GBF1: variants seen among roughly 807,000 people sequenced by gnomAD.
GBF1 encodes Golgi-specific brefeldin A-resistance guanine nucleotide exchange factor 1.
In GBF1, 114 loss-of-function variants were observed where a neutral mutation model predicts 210.5. The ratio of observed to expected loss-of-function variants is 0.54; its 90% confidence interval spans 0.47 to 0.63. GBF1 has a LOEUF of 0.63. Among genes scored for constraint, GBF1 ranks in the 30% least tolerant of loss-of-function variants. The pLI, the probability that GBF1 is intolerant of heterozygous loss-of-function variation, is 0.00. For synonymous variants in GBF1, 850 were observed against 889.2 expected (o/e 0.96, Z 0.78); for missense variants, 1,851 against 2,357.7 (o/e 0.79, Z 4.45).
At chr10:102,342,748 G>T (rs1353818008) in intron 3 of GBF1, among the ~76,000 whole-genome samples, 3 of 151,970 alleles carry the variant, frequency 2.0e-5, no homozygotes, top group Admixed American at 6.6e-5. Context: ...AACACTTTTG[G>T]TCTCTTTAGG....
intron 4 of GBF1, among the ~76,000 whole-genome samples, chr10:102,344,797 A>G (rs570784610): frequency 6.6e-6 from 1 of 152,078 alleles, no homozygotes; most frequent in African/African-American, 2.4e-5. Flanking sequence ...GTTTATTTTT[A>G]AAGTTATTTT....
rs767267269 is a variant in GBF1, at chr10:102,351,799, T to C, written c.415-44T>C. ...CCTCTCTCTTACCCTTGAGTACCTC[T>C]CAGTACCTTGTTTATCACAGTAATT... is the stretch of plus-strand genomic sequence containing the variant. On this transcript the variant is annotated intron_variant, in intron 5 of 39. Coordinates refer to ENST00000369983, the MANE Select transcript of GBF1 (RefSeq NM_001377137.1). 6.2e-6 allele frequency: 7 copies of C among 1,137,142 alleles called. No individual in the cohort carries two copies. The Admixed American group carries it at 6.7e-5, about 11-fold the overall frequency. The allele number at this position is 1,137,142 out of a possible 1,614,324, so 70.4% of individuals were successfully genotyped here.
chr10:102,375,608 C>G, intron 30 of GBF1, 24 bp downstream of exon 30: 1 of 1,465,404 alleles, frequency 6.8e-7, no homozygotes, highest in Non-Finnish European at 9.5e-7. Flanking sequence ...CAGGGAGACT[C>G]AGGCTGGCAG....
chr10:102,356,061 T>C (rs1589757453), intron 8 of GBF1, among the ~76,000 whole-genome samples: 2 of 152,330 alleles, frequency 1.3e-5, no homozygotes, highest in Middle Eastern at 6.8e-3. Context: ...TATGAGGCTG[T>C]TGCTATGTTA....
At chr10:102,352,381 G>T in intron 6 of GBF1, 77 bp from the exon 7 acceptor site, 1 of 963,376 alleles carries the variant, frequency 1.0e-6, no homozygotes, top group Admixed American at 1.7e-5. Context: ...GGTTTGGAGG[G>T]GAGTCTGCTC....
chr10:102,273,333 AAAAT>A (rs1248454890), intron 3 of GBF1, among the ~76,000 whole-genome samples: 1 of 152,180 alleles, frequency 6.6e-6, no homozygotes, highest in East Asian at 1.9e-4. Context: ...CTGTCTCAAA[AAAAT>A]AAATAAATAA....
chr10:102,254,362 T>C (rs1039134839), intron 1 of GBF1, among the ~76,000 whole-genome samples: 1 of 152,152 alleles, frequency 6.6e-6, no homozygotes, highest in Admixed American at 6.5e-5. Flanking sequence ...GGCAAGACCC[T>C]ATCTCTAAAA....
At chr10:102,291,890 C>CTTTT (rs1223283560) in intron 3 of GBF1, among the ~76,000 whole-genome samples, 1 of 127,712 alleles carries the variant, frequency 7.8e-6, no homozygotes, top group Admixed American at 8.4e-5. Context: ...TAGAACTTTT[C>CTTTT]TTTTTTTTTT....
intron 3 of GBF1, among the ~76,000 whole-genome samples, chr10:102,335,899 G>A (rs550967822): frequency 3.3e-5 from 5 of 152,102 alleles, no homozygotes; most frequent in Admixed American, 6.6e-5. Context: ...AAATTGTACC[G>A]TAAATATCAA....
intron 1 of GBF1, among the ~76,000 whole-genome samples, chr10:102,255,638 A>G (rs1312128157): frequency 2.0e-5 from 3 of 152,200 alleles, no homozygotes; most frequent in Non-Finnish European, 4.4e-5. Context: ...GACCTAGAGC[A>G]TATTCATCTT....
chr10:102,321,499 T>G (rs1329651763), intron 3 of GBF1, among the ~76,000 whole-genome samples: 3 of 152,254 alleles, frequency 2.0e-5, no homozygotes, highest in Non-Finnish European at 4.4e-5. Context: ...TTGCCAATAG[T>G]ATACTGATTT....
chr10:102,351,201 C>G, intron 4 of GBF1, 55 bp from the exon 5 acceptor site: 1 of 1,000,248 alleles, frequency 1.0e-6, no homozygotes, highest in Non-Finnish European at 1.6e-6. Flanking sequence ...GGCTGCCTTA[C>G]CTTTTATCTC....
upstream of GBF1, among the ~76,000 whole-genome samples, chr10:102,241,863 G>A (rs1288398906): frequency 2.0e-5 from 3 of 152,234 alleles, no homozygotes; most frequent in Non-Finnish European, 4.4e-5. The surrounding 1 kb of genome is among the most constrained non-coding windows in gnomAD (Gnocchi z 6.7). Flanking sequence ...AGTGGGTTGG[G>A]CCGCTACCCC....
rs985889119 is a variant in GBF1, at chr10:102,368,819, C to T, written c.2960C>T (p.Ala987Val). The change falls in exon 23 of 40, where the codon GCT (alanine) becomes GTT (valine). Residue 987 changes from alanine (A) to valine (V), a missense_variant. Ala to Val is a moderately conservative substitution (Grantham distance 64, BLOSUM62 0). Coordinates refer to ENST00000369983, the MANE Select transcript of GBF1 (RefSeq NM_001377137.1). ...ATCATCTCTCTATGCAAATTCACAG[C>T]TCTCAGCAGTGAGGTGAGCAGGTGC... ...NLIISLCKFTALSSESIENLP... is the reference protein window; with the variant it reads ...NLIISLCKFTVLSSESIENLP... 1.9e-6 allele frequency: 3 copies of T among 1,607,742 alleles called. No homozygotes were observed. The highest frequency in any genetic ancestry group is 4.5e-5 in the East Asian group (2 of 44,838).
intron 3 of GBF1, among the ~76,000 whole-genome samples, chr10:102,294,796 C>T (rs2076783558): frequency 6.6e-6 from 1 of 152,252 alleles, no homozygotes; most frequent in African/African-American, 2.4e-5. Flanking sequence ...ACAGGCTGTA[C>T]AGGTTTGTAG....
intron 1 of GBF1, among the ~76,000 whole-genome samples, chr10:102,258,628 G>C (rs992731946): frequency 6.6e-6 from 1 of 151,130 alleles, no homozygotes; most frequent in Non-Finnish European, 1.5e-5. Context: ...TACAAAATTA[G>C]CCAGATATGG....
intron 3 of GBF1, among the ~76,000 whole-genome samples, chr10:102,320,257 C>G (rs539493495): frequency 1.3e-3 from 196 of 152,166 alleles, no homozygotes; most frequent in Non-Finnish European, 2.3e-3. Flanking sequence ...TTTTTCTTCT[C>G]ATTTCCAGTG....
chr10:102,302,282 A>G (rs1288257448), intron 3 of GBF1, among the ~76,000 whole-genome samples: 4 of 152,132 alleles, frequency 2.6e-5, no homozygotes, highest in Non-Finnish European at 5.9e-5. Context: ...GGGAGAGGGG[A>G]GAGGTTAGTA....
chr10:102,315,202 G>A (rs986146002), intron 3 of GBF1, among the ~76,000 whole-genome samples: 1 of 152,188 alleles, frequency 6.6e-6, no homozygotes, highest in Non-Finnish European at 1.5e-5. Flanking sequence ...ATCAGTTGAA[G>A]ACTACTATGT....
Sources: gnomAD v4.1 joint callset for allele counts (sites outside exome capture counted in the v4.1 genomes callset) on GRCh38, gnomAD v4.1.1 for gene constraint, Gnocchi (gnomAD v3.1) non-coding constraint, MANE v1.5 for transcripts, NCBI Gene and HGNC (gene_info 2026-07-23, HGNC 2026-07-21) for gene names.